Variants in SLCO1B3 observed in about 807,000 individuals in gnomAD.
SLCO1B3 encodes solute carrier organic anion transporter family member 1B3.
SLCO1B3 carries 72 observed loss-of-function variants against 71.8 expected under a neutral mutation model. That is an observed-to-expected ratio of 1.00 (90% CI 0.83 to 1.22). The LOEUF (loss-of-function observed/expected upper bound fraction) is 1.22, where lower values mean the gene tolerates loss of function less well. Among genes scored for constraint, SLCO1B3 ranks in the 50% most tolerant of loss-of-function variants. SLCO1B3 has a pLI of 0.00. For missense variants in SLCO1B3, 911 were observed against 819.7 expected (o/e 1.11, Z -1.36); for synonymous variants, 298 against 278.4 (o/e 1.07, Z -0.70).
At chr12:20,857,947 C>G (rs1400112849) in intron 4 of SLCO1B3, among the ~76,000 whole-genome samples, 1 of 152,076 alleles carries the variant, frequency 6.6e-6, no homozygotes, top group Non-Finnish European at 1.5e-5. Context: ...CTCCCTATTT[C>G]CATAATCTAA....
At chr12:20,839,441 G>T (rs1213085592) in intron 3 of SLCO1B3, among the ~76,000 whole-genome samples, 1 of 152,000 alleles carries the variant, frequency 6.6e-6, no homozygotes, top group African/African-American at 2.4e-5. Flanking sequence ...ATTTTAGGTT[G>T]TTGTTTTCTA....
rs185043553 is a variant in SLCO1B3, at chr12:20,879,430, T to A, written c.1136-6T>A. 3.2e-6 allele frequency: 5 copies of A among 1,559,432 alleles called. No homozygotes were observed. The Admixed American group carries it at 9.6e-5, about 30-fold the overall frequency. The stretch of plus-strand genomic sequence containing the variant: ...TTATAGCTTTTTTCTCTTCTTTTAT[T>A]TCTAGGAATCATAACCATTCCTACG... On this transcript the variant is annotated splice_polypyrimidine_tract_variant and splice_region_variant and intron_variant, in intron 10 of 15. Transcript: ENST00000381545.
chr12:20,827,502 A>C (rs1459961375), intron 3 of SLCO1B3, among the ~76,000 whole-genome samples: 3 of 152,188 alleles, frequency 2.0e-5, no homozygotes, highest in Non-Finnish European at 4.4e-5. Flanking sequence ...CATGAAGATA[A>C]AAGTAGATCT....
At chr12:20,861,252 T>G (rs759982885) in intron 6 of SLCO1B3, 114 bp downstream of exon 6, 12 of 962,802 alleles carry the variant, frequency 1.2e-5, no homozygotes, top group Non-Finnish European at 1.8e-5. Context: ...GGAAGAACAT[T>G]TATCCCTTAC....
intron 15 of SLCO1B3, among the ~76,000 whole-genome samples, chr12:20,903,582 A>G (rs1025249999): frequency 2.6e-5 from 4 of 152,102 alleles, no homozygotes; most frequent in African/African-American, 9.7e-5. Context: ...GACAGGAGAG[A>G]GAGAGGGAGA....
Position 20,854,812 on chromosome 12 carries a change from C to T in SLCO1B3, c.85-216C>T, listed in dbSNP as rs549614096. 8.7e-4 allele frequency among the ~76,000 whole-genome samples: 132 copies of T among 152,170 alleles called. 1 individual carries two copies. The highest frequency in any genetic ancestry group is 3.1e-3 in the African/African-American group (128 of 41,512). On this transcript the variant is annotated intron_variant, in intron 3 of 15. Transcript: ENST00000381545. ...ACCTTAACTATACTCCTCTAGCAAT[C>T]GAATGTTGTAACCAAGTTAGAAAAT...
chr12:20,883,379 G>A, intron 12 of SLCO1B3, 39 bp from the exon 13 acceptor site: 2 of 1,220,178 alleles, frequency 1.6e-6, no homozygotes, highest in East Asian at 2.6e-5. Flanking sequence ...TGTTGTATTT[G>A]GCAAATGTAT....
intron 3 of SLCO1B3, among the ~76,000 whole-genome samples, chr12:20,846,130 C>T (rs773521436): frequency 6.6e-6 from 1 of 152,068 alleles, no homozygotes; most frequent in Non-Finnish European, 1.5e-5. Context: ...TCATAGCTTA[C>T]TTCCTTTGGT....
chr12:20,859,488 T>C (rs114898964), intron 5 of SLCO1B3, among the ~76,000 whole-genome samples: 17,765 of 57,644 alleles, frequency 0.31, 1,227 homozygotes, highest in Middle Eastern at 0.55. Flanking sequence ...ATTCTGTTTT[T>C]TTCCCCCTCT....
chr12:20,896,214 CAA>C (rs1866004277), intron 13 of SLCO1B3, among the ~76,000 whole-genome samples: 1 of 151,974 alleles, frequency 6.6e-6, no homozygotes, highest in African/African-American at 2.4e-5. Context: ...ATTCAGCTTT[CAA>C]ATTTCAGGTA....
chr12:20,842,523 A>C (rs2121176961), intron 3 of SLCO1B3, among the ~76,000 whole-genome samples: 1 of 151,888 alleles, frequency 6.6e-6, no homozygotes, highest in South Asian at 2.1e-4. Context: ...ATTGCTTCTT[A>C]TTCTTTTACC....
intron 8 of SLCO1B3, among the ~76,000 whole-genome samples, chr12:20,864,335 C>T (rs374792766): frequency 2.0e-5 from 3 of 151,798 alleles, no homozygotes; most frequent in Non-Finnish European, 4.4e-5. Flanking sequence ...ATGACAGAAT[C>T]GTGTCTGTGT....
At chr12:20,912,967 ACG>A (rs1217076160) in intron 15 of SLCO1B3, among the ~76,000 whole-genome samples, 1 of 151,880 alleles carries the variant, frequency 6.6e-6, no homozygotes, top group East Asian at 1.9e-4. Flanking sequence ...CTGAGCCACC[ACG>A]CCTGGCCTTA....
chr12:20,879,860 T>C (rs1376385532), intron 11 of SLCO1B3, among the ~76,000 whole-genome samples: 2 of 152,126 alleles, frequency 1.3e-5, no homozygotes, highest in East Asian at 3.8e-4. Flanking sequence ...CTATGATTTC[T>C]GGGTAATTAA....
At chr12:20,905,081 C>A (rs1728744962) in intron 15 of SLCO1B3, among the ~76,000 whole-genome samples, 1 of 152,176 alleles carries the variant, frequency 6.6e-6, no homozygotes, top group African/African-American at 2.4e-5. Context: ...ATGTGAAAGG[C>A]ACCAAAGCTT....
intron 8 of SLCO1B3, among the ~76,000 whole-genome samples, chr12:20,865,468 C>T (rs7138198): frequency 0.72 from 110,066 of 151,840 alleles, 42,465 homozygotes; most frequent in South Asian, 0.9. Flanking sequence ...CGTGTGTGTA[C>T]GCTTTCTTAA....
intron 13 of SLCO1B3, among the ~76,000 whole-genome samples, chr12:20,887,206 A>C (rs546397677): frequency 6.6e-6 from 1 of 152,146 alleles, no homozygotes; most frequent in East Asian, 1.9e-4. Context: ...TTTTAATAAA[A>C]TGATTTCTTT....
chr12:20,912,171 T>G (rs576420413), intron 15 of SLCO1B3, among the ~76,000 whole-genome samples: 1 of 152,152 alleles, frequency 6.6e-6, no homozygotes, highest in South Asian at 2.1e-4. Flanking sequence ...AGTGTATTGC[T>G]TAATCTTCAC....
intron 2 of SLCO1B3, among the ~76,000 whole-genome samples, chr12:20,814,301 T>C (rs928790704): frequency 6.6e-6 from 1 of 152,164 alleles, no homozygotes; most frequent in Non-Finnish European, 1.5e-5. Flanking sequence ...ATTTCTCATA[T>C]ACTTTGACTT....
Sources: allele counts gnomAD v4.1 joint callset (sites outside exome capture counted in the v4.1 genomes callset), GRCh38; gene constraint gnomAD v4.1.1; transcripts MANE v1.5; gene names NCBI Gene and HGNC (gene_info 2026-07-23, HGNC 2026-07-21).